LRRC4C: variants seen among roughly 807,000 people sequenced by gnomAD.
LRRC4C encodes the protein leucine-rich repeat-containing protein 4C.
A neutral mutation model predicts 33.6 loss-of-function variants in LRRC4C; 5 were observed. That is an observed-to-expected ratio of 0.15 (90% CI 0.08 to 0.31). The LOEUF (loss-of-function observed/expected upper bound fraction) is 0.31, where lower values mean the gene tolerates loss of function less well. Among genes scored for constraint, LRRC4C ranks in the 10% least tolerant of loss-of-function variants. The probability of loss-of-function intolerance (pLI) is 1.00; values close to 1 mark genes in which losing one functional copy is unlikely to be tolerated. For synonymous variants in LRRC4C, 329 were observed against 302.0 expected (o/e 1.09, Z -0.93); for missense variants, 560 against 796.7 (o/e 0.70, Z 3.58).
chr11:41,078,475 A>G (rs1590461726), intron 1 of LRRC4C, among the ~76,000 whole-genome samples: 1 of 152,228 alleles, frequency 6.6e-6, no homozygotes. Flanking sequence ...AACAAGAAGC[A>G]GGACTTGGAG....
At chr11:40,340,468 T>G (rs1946817433) in intron 3 of LRRC4C, among the ~76,000 whole-genome samples, 1 of 152,156 alleles carries the variant, frequency 6.6e-6, no homozygotes, top group African/African-American at 2.4e-5. Flanking sequence ...GACTGAGGAA[T>G]GTATGTGTAG....
intron 2 of LRRC4C, among the ~76,000 whole-genome samples, chr11:40,896,614 A>G (rs925287342): frequency 6.6e-6 from 1 of 151,910 alleles, no homozygotes; most frequent in Non-Finnish European, 1.5e-5. Flanking sequence ...AAATTATGGT[A>G]TTTTGTTCTT....
At chr11:40,378,626 T>A (rs527394817) in intron 3 of LRRC4C, among the ~76,000 whole-genome samples, 5 of 152,082 alleles carry the variant, frequency 3.3e-5, no homozygotes, top group Non-Finnish European at 5.9e-5. Context: ...GAATGCATCA[T>A]GATATGTATT....
In LRRC4C at chr11:40,672,871, G is replaced by A. The variant is rs4756616; in HGVS notation, c.-406-24593C>T. ...ACTTAAGAGGGTAAAGAAAGACTTT[G>A]ACTTCTTCACCTTCACGTTGTTTGA... On this transcript the variant is annotated intron_variant, in intron 2 of 6. Coordinates refer to ENST00000528697, the MANE Select transcript of LRRC4C (RefSeq NM_001258419.2). 6.8e-3 allele frequency among the ~76,000 whole-genome samples: 1,032 copies of A among 152,176 alleles called. 18 individuals carry two copies. Among genetic ancestry groups the A allele is most frequent in the African/African-American group, 0.024 (992 of 41,512 alleles).
chr11:40,942,115 T>G (rs1958179487), intron 1 of LRRC4C, among the ~76,000 whole-genome samples: 1 of 152,298 alleles, frequency 6.6e-6, no homozygotes, highest in African/African-American at 2.4e-5. Flanking sequence ...AGTCCAGTCC[T>G]GCAGCACAGT....
At chr11:40,859,339 G>A (rs570922560) in intron 2 of LRRC4C, among the ~76,000 whole-genome samples, 20 of 152,084 alleles carry the variant, frequency 1.3e-4, no homozygotes, top group African/African-American at 3.9e-4. Flanking sequence ...TAGAAAGTCC[G>A]TAGTAATGAA....
rs1456350828 is a variant in LRRC4C at position 41,123,256 on chromosome 11, G to GTTTTTTTTTTT, written c.-495-189534_-495-189533insAAAAAAAAAAA. ...AAATGCTTTCTCTATCCTGAGCTATGTTTTGTTTTTTTTTTTTTTTTTTTT... is the reference window on the plus strand; with the variant it reads ...AAATGCTTTCTCTATCCTGAGCTATGTTTTTTTTTTTTTTTGTTTTTTTTTTTTTTTTTTTT... On this transcript the variant is annotated intron_variant, in intron 1 of 6. Coordinates refer to ENST00000528697, the MANE Select transcript of LRRC4C (RefSeq NM_001258419.2). Among the ~76,000 whole-genome samples the GTTTTTTTTTTT allele has an allele frequency of 5.1e-4, 55 of 107,132 alleles. 10 individuals carry two copies. The highest frequency in any genetic ancestry group is 1.7e-3 in the African/African-American group (44 of 25,336). 70.3% of individuals were successfully genotyped at this position (107,132 alleles called of 152,430 possible). A position where few individuals can be genotyped will look rare whatever the true frequency, so the allele number is the denominator to read the frequency against.
intron 1 of LRRC4C, among the ~76,000 whole-genome samples, chr11:41,005,840 C>T (rs1237029240): frequency 6.6e-6 from 1 of 152,130 alleles, no homozygotes; most frequent in East Asian, 1.9e-4. Flanking sequence ...TCCTTTATGG[C>T]AACACAAACA....
At chr11:41,228,613 G>A (rs1368950777) in intron 1 of LRRC4C, among the ~76,000 whole-genome samples, 1 of 152,128 alleles carries the variant, frequency 6.6e-6, no homozygotes, top group Non-Finnish European at 1.5e-5. Flanking sequence ...ATTAAACAAT[G>A]TGTGGATGTA....
At chr11:40,446,256 T>C (rs1951631028) in intron 3 of LRRC4C, 2 of 152,220 alleles carry the variant, frequency 1.3e-5, no homozygotes, top group African/African-American at 2.4e-5. Flanking sequence ...GAAATGCTCA[T>C]GATTTCTGAT....
chr11:41,124,398 T>C (rs1942633663), intron 1 of LRRC4C, among the ~76,000 whole-genome samples: 1 of 152,178 alleles, frequency 6.6e-6, no homozygotes, highest in African/African-American at 2.4e-5. Context: ...GGTCTTTAAG[T>C]CCAAGAATTC....
chr11:40,704,445 C>G (rs2136515337), intron 2 of LRRC4C, among the ~76,000 whole-genome samples: 1 of 152,268 alleles, frequency 6.6e-6, no homozygotes, highest in East Asian at 1.9e-4. Context: ...TTCCTTTAGT[C>G]ATTTAAATAA....
At chr11:40,589,157 G>T (rs2135718189) in intron 3 of LRRC4C, among the ~76,000 whole-genome samples, 1 of 152,104 alleles carries the variant, frequency 6.6e-6, no homozygotes, top group East Asian at 1.9e-4. Context: ...GAATCTGGGT[G>T]CTCCTGTATT....
intron 1 of LRRC4C, among the ~76,000 whole-genome samples, chr11:41,219,022 C>A (rs1192429598): frequency 6.6e-6 from 1 of 152,174 alleles, no homozygotes; most frequent in African/African-American, 2.4e-5. Context: ...CCGCCCACCT[C>A]GGCCTCCCAA....
intron 1 of LRRC4C, among the ~76,000 whole-genome samples, chr11:40,937,603 A>ATGTATGTG (rs1957961715): frequency 7.4e-6 from 1 of 135,900 alleles, no homozygotes; most frequent in Non-Finnish European, 1.6e-5. Context: ...GTGTGTGTAT[A>ATGTATGTG]TGTGTGTGTG....
intron 3 of LRRC4C, among the ~76,000 whole-genome samples, chr11:40,366,322 C>T (rs116280760): frequency 1.3e-5 from 2 of 151,898 alleles, no homozygotes; most frequent in Admixed American, 1.3e-4. Flanking sequence ...AAGGTACCAG[C>T]CTTGGTGATC....
At chr11:40,181,637 T>C (rs1003355593) in intron 5 of LRRC4C, among the ~76,000 whole-genome samples, 10 of 152,220 alleles carry the variant, frequency 6.6e-5, no homozygotes, top group African/African-American at 2.4e-4. Context: ...AGAACTGAGC[T>C]AGTTCAGCTT....
chr11:41,265,737 C>A (rs11036328), intron 1 of LRRC4C, among the ~76,000 whole-genome samples: 6,917 of 152,084 alleles, frequency 0.045, 201 homozygotes, highest in South Asian at 0.074. Context: ...TCAAGAAACT[C>A]CAACTGAGTT....
At chr11:40,644,765 G>A (rs1359547114) in intron 3 of LRRC4C, among the ~76,000 whole-genome samples, 1 of 152,162 alleles carries the variant, frequency 6.6e-6, no homozygotes, top group Admixed American at 6.5e-5. Context: ...GGGGAAGTTA[G>A]AGATAGGAAC....
Sources: gnomAD v4.1 joint callset for allele counts (sites outside exome capture counted in the v4.1 genomes callset) on GRCh38, gnomAD v4.1.1 for gene constraint, MANE v1.5 for transcripts, NCBI Gene and HGNC (gene_info 2026-07-23, HGNC 2026-07-21) for gene names.